TRHDE: variants seen among roughly 807,000 people sequenced by gnomAD.
TRHDE encodes the protein thyrotropin-releasing hormone-degrading ectoenzyme.
A neutral mutation model predicts 125.7 loss-of-function variants in TRHDE; 72 were observed. The ratio of observed to expected loss-of-function variants is 0.57; its 90% CI spans 0.47 to 0.70. The LOEUF is 0.70. Ranked by LOEUF, TRHDE falls within the 30% of genes least tolerant of loss-of-function variation. The pLI is 0.00. For missense variants in TRHDE, 1,110 were observed against 1,327.1 expected, an observed-to-expected ratio of 0.84 and a Z score of 2.54; for synonymous variants, 509 against 509.1, an observed-to-expected ratio of 1.00 and a Z score of 0.00.
chr12:72,353,208 T>C (rs1374315334), intron 2 of TRHDE, among the ~76,000 whole-genome samples: 2 of 151,754 alleles, frequency 1.3e-5, no homozygotes. Flanking sequence ...AGCAAGGCAG[T>C]GAGCAGAAAG....
chr12:72,167,202 T>G (rs1008851362), intron 2 of TRHDE, among the ~76,000 whole-genome samples: 1 of 152,148 alleles, frequency 6.6e-6, no homozygotes, highest in Non-Finnish European at 1.5e-5. Context: ...CTCAATAGGC[T>G]AATCAGCAAA....
chr12:72,525,622 TGTGTGTGTGTGTGA>T (rs1411945631), intron 6 of TRHDE, among the ~76,000 whole-genome samples: 27 of 148,540 alleles, frequency 1.8e-4, no homozygotes, highest in African/African-American at 6.6e-4. Flanking sequence ...TGTGTGTGTG[TGTGTGTGTGTGTGA>T]GAGAGAGAGA....
chr12:72,575,591 T>A (rs1397626077), intron 12 of TRHDE, 49 bp downstream of exon 12: 1 of 1,536,982 alleles, frequency 6.5e-7, no homozygotes, highest in East Asian at 2.2e-5. Context: ...CCTGCAAGAC[T>A]TCCTGTATTA....
At chr12:72,455,005 G>C (rs959665246) in intron 3 of TRHDE, among the ~76,000 whole-genome samples, 1 of 152,068 alleles carries the variant, frequency 6.6e-6, no homozygotes, top group Non-Finnish European at 1.5e-5. Context: ...CAAACACTGA[G>C]AATGCTTTAT....
intron 6 of TRHDE, among the ~76,000 whole-genome samples, chr12:72,513,540 T>C (rs1227415508): frequency 6.6e-6 from 1 of 152,140 alleles, no homozygotes; most frequent in African/African-American, 2.4e-5. Context: ...TTGTCATTCA[T>C]GCTGTTGCAT....
chr12:72,335,661 A>G (rs1419709468), intron 2 of TRHDE, among the ~76,000 whole-genome samples: 1 of 152,240 alleles, frequency 6.6e-6, no homozygotes, highest in Non-Finnish European at 1.5e-5. Flanking sequence ...AGAGCCTTGC[A>G]TTTAGGAATT....
chr12:72,210,443 G>C (rs1207355417), intron 2 of TRHDE, among the ~76,000 whole-genome samples: 1 of 152,100 alleles, frequency 6.6e-6, no homozygotes, highest in Admixed American at 6.5e-5. Context: ...TAGGAAAGGA[G>C]AGAAAACTAA....
intron 2 of TRHDE, among the ~76,000 whole-genome samples, chr12:72,250,341 G>A (rs111308921): frequency 0.027 from 4,101 of 152,216 alleles, 99 homozygotes; most frequent in Non-Finnish European, 0.037. Flanking sequence ...TTAAAGGCTG[G>A]CAGTGTAGAA....
chr12:72,145,851 A>G (rs1219543520), intron 2 of TRHDE, among the ~76,000 whole-genome samples: 1 of 152,176 alleles, frequency 6.6e-6, no homozygotes, highest in African/African-American at 2.4e-5. Flanking sequence ...GTGCCCAAAT[A>G]TCTTAAAAAA....
intron 2 of TRHDE, among the ~76,000 whole-genome samples, chr12:72,132,712 G>A (rs1456514970): frequency 1.3e-5 from 2 of 152,196 alleles, no homozygotes; most frequent in Non-Finnish European, 2.9e-5. Context: ...TGCCAGCTCT[G>A]TGCTGGGTGC....
chr12:72,438,017 C>T (rs1181583474), intron 3 of TRHDE, among the ~76,000 whole-genome samples: 2 of 151,836 alleles, frequency 1.3e-5, no homozygotes, highest in East Asian at 1.9e-4. Context: ...TGAGTGAGAT[C>T]ATGTGGTAAT....
intron 2 of TRHDE, among the ~76,000 whole-genome samples, chr12:72,158,453 C>T (rs1255624868): frequency 6.6e-6 from 1 of 150,898 alleles, no homozygotes; most frequent in Non-Finnish European, 1.5e-5. Flanking sequence ...TGTGTAATTG[C>T]CTCTTTGTGT....
chr12:72,338,592 G>C (rs1031201346), intron 2 of TRHDE, among the ~76,000 whole-genome samples: 1 of 152,074 alleles, frequency 6.6e-6, no homozygotes, highest in Non-Finnish European at 1.5e-5. Flanking sequence ...TTTGTACTGA[G>C]GATAAGTTTC....
intron 3 of TRHDE, among the ~76,000 whole-genome samples, chr12:72,430,201 A>G (rs1442758108): frequency 6.7e-6 from 1 of 148,858 alleles, no homozygotes; most frequent in African/African-American, 2.5e-5. Context: ...AGAAAATCCA[A>G]CTTCATTCTT....
intron 12 of TRHDE, among the ~76,000 whole-genome samples, chr12:72,587,160 A>T (rs1212550212): frequency 6.6e-6 from 1 of 152,176 alleles, no homozygotes; most frequent in Non-Finnish European, 1.5e-5. Context: ...TCACAGAAAA[A>T]TAGTTACTGT....
intron 2 of TRHDE, among the ~76,000 whole-genome samples, chr12:72,349,914 A>G (rs1268378742): frequency 6.6e-6 from 1 of 152,020 alleles, no homozygotes; most frequent in African/African-American, 2.4e-5. Context: ...TTAATTACAA[A>G]CCAGAATATG....
chr12:72,633,054 A>G (rs1592584692), intron 15 of TRHDE, among the ~76,000 whole-genome samples: 1 of 152,178 alleles, frequency 6.6e-6, no homozygotes, highest in East Asian at 1.9e-4. Flanking sequence ...ATTTCTGCAG[A>G]ATTAATAGCA....
At chr12:72,210,031 A>G (rs1287963301) in intron 2 of TRHDE, among the ~76,000 whole-genome samples, 1 of 152,214 alleles carries the variant, frequency 6.6e-6, no homozygotes, top group Non-Finnish European at 1.5e-5. Context: ...GAAAATTTAT[A>G]ACAACTGCAA....
chr12:72,293,872 G>T (rs1227079532), intron 2 of TRHDE, among the ~76,000 whole-genome samples: 1 of 152,236 alleles, frequency 6.6e-6, no homozygotes, highest in African/African-American at 2.4e-5. Flanking sequence ...ACTAGCCAAG[G>T]ATGAGTCAGG....
Sources: allele counts gnomAD v4.1 joint callset (sites outside exome capture counted in the v4.1 genomes callset), GRCh38; gene constraint gnomAD v4.1.1; transcripts MANE v1.5; gene names NCBI Gene and HGNC (gene_info 2026-07-23, HGNC 2026-07-21).